Variants in METTL25 observed in about 807,000 individuals in gnomAD.
METTL25 encodes probable methyltransferase-like protein 25.
In METTL25, 64 loss-of-function variants were observed where a neutral mutation model predicts 71.6. That is an observed-to-expected ratio of 0.89 (90% CI 0.73 to 1.10). The LOEUF (loss-of-function observed/expected upper bound fraction) is 1.10, where lower values mean the gene tolerates loss of function less well. Ranked by LOEUF, METTL25 falls within the 50% of genes least tolerant of loss-of-function variation. The pLI, the probability that METTL25 is intolerant of heterozygous loss-of-function variation, is 0.00. For missense variants in METTL25, 807 were observed against 707.0 expected (o/e 1.14, Z -1.60); for synonymous variants, 287 against 250.3 (o/e 1.15, Z -1.38).
chr12:82,395,754 G>A (rs1886017039), intron 3 of METTL25, among the ~76,000 whole-genome samples: 1 of 152,040 alleles, frequency 6.6e-6, no homozygotes, highest in Non-Finnish European at 1.5e-5. Context: ...AGACTCCTCT[G>A]TCTTCAAACC....
At chr12:82,403,744 G>C (rs1479323424) in intron 5 of METTL25, among the ~76,000 whole-genome samples, 1 of 152,144 alleles carries the variant, frequency 6.6e-6, no homozygotes, top group Non-Finnish European at 1.5e-5. Context: ...AGCAGCTCCT[G>C]AAATAGCTGT....
chr12:82,467,317 G>T (rs928448426), intron 9 of METTL25, among the ~76,000 whole-genome samples: 1 of 151,938 alleles, frequency 6.6e-6, no homozygotes, highest in Non-Finnish European at 1.5e-5. Context: ...GTGGTTTTCT[G>T]CAATGATAAA....
At chr12:82,450,820 C>T (rs897116156) in intron 8 of METTL25, among the ~76,000 whole-genome samples, 2 of 152,084 alleles carry the variant, frequency 1.3e-5, no homozygotes, top group Non-Finnish European at 2.9e-5. Flanking sequence ...AATTCTTCCA[C>T]AGATAGTCTC....
At chr12:82,416,049 A>G (rs1190668952) in intron 5 of METTL25, among the ~76,000 whole-genome samples, 3 of 152,152 alleles carry the variant, frequency 2.0e-5, no homozygotes, top group Admixed American at 2.0e-4. Flanking sequence ...TCAGTGATTT[A>G]AATTGAAGTT....
In METTL25 at chr12:82,398,437, A is replaced by G. The variant is rs182095991; in HGVS notation, c.532-358A>G. Among the ~76,000 whole-genome samples, 78 of 151,814 alleles carry G rather than the reference A, an allele frequency of 5.1e-4. 1 individual carries two copies. Among genetic ancestry groups the G allele is most frequent in the African/African-American group, 1.7e-3 (71 of 41,456 alleles). The stretch of plus-strand genomic sequence containing the variant: ...GTTCTGATGATTCGTTGTTAATTCT[A>G]TTGACTTTGTGCCCTGACACATTGC... On this transcript the variant is annotated intron_variant, in intron 3 of 11. Transcript: ENST00000248306.
At chr12:82,400,833 A>G (rs886410278) in intron 4 of METTL25, among the ~76,000 whole-genome samples, 1 of 152,088 alleles carries the variant, frequency 6.6e-6, no homozygotes, top group African/African-American at 2.4e-5. Context: ...GTGACTACAT[A>G]TTTTTGTCTC....
intron 9 of METTL25, among the ~76,000 whole-genome samples, chr12:82,471,987 A>G (rs898690980): frequency 6.6e-6 from 1 of 152,026 alleles, no homozygotes; most frequent in Admixed American, 6.5e-5. Flanking sequence ...CTTAATATGA[A>G]TTTTTCCTAT....
chr12:82,373,571 A>G (rs1427973803), intron 1 of METTL25, among the ~76,000 whole-genome samples: 1 of 152,184 alleles, frequency 6.6e-6, no homozygotes, highest in Non-Finnish European at 1.5e-5. Flanking sequence ...TTTGTCTGAC[A>G]GGCATTAGGA....
intron 1 of METTL25, among the ~76,000 whole-genome samples, chr12:82,366,628 A>G (rs1169718180): frequency 6.6e-6 from 1 of 150,872 alleles, no homozygotes; most frequent in Non-Finnish European, 1.5e-5. Flanking sequence ...CATCCTAAGT[A>G]GTTTTTATTG....
chr12:82,388,408 G>A (rs1885251423), intron 2 of METTL25, among the ~76,000 whole-genome samples: 1 of 151,932 alleles, frequency 6.6e-6, no homozygotes, highest in Admixed American at 6.6e-5. Context: ...ATGGCTCTTG[G>A]TAAGAACCAT....
chr12:82,467,464 C>T (rs527729898), intron 9 of METTL25, among the ~76,000 whole-genome samples: 41 of 152,108 alleles, frequency 2.7e-4, no homozygotes, highest in African/African-American at 7.7e-4. Context: ...AGTCTAAGGG[C>T]GATGAATTCT....
chr12:82,386,681 C>A, intron 1 of METTL25, 122 bp from the exon 2 acceptor site: 1 of 811,038 alleles, frequency 1.2e-6, no homozygotes, highest in Non-Finnish European at 1.9e-6. Flanking sequence ...TGCCAAAATT[C>A]ACAACAAAAT....
At chr12:82,405,506 A>T (rs1887021796) in intron 5 of METTL25, among the ~76,000 whole-genome samples, 2 of 152,318 alleles carry the variant, frequency 1.3e-5, no homozygotes, top group East Asian at 1.9e-4. Context: ...ACTTAAAAAA[A>T]GTAGCAGAAG....
intron 5 of METTL25, among the ~76,000 whole-genome samples, chr12:82,403,697 G>T (rs1886836058): frequency 6.6e-6 from 1 of 152,142 alleles, no homozygotes; most frequent in South Asian, 2.1e-4. Flanking sequence ...TATGGAGTAG[G>T]TTTGCAAGAT....
intron 8 of METTL25, among the ~76,000 whole-genome samples, chr12:82,444,158 CAAAG>C (rs897237591): frequency 3.8e-4 from 57 of 151,966 alleles, no homozygotes; most frequent in African/African-American, 4.3e-4. Flanking sequence ...AAGTAAAAGA[CAAAG>C]AAAGGATCAA....
chr12:82,413,976 T>C (rs1460086292), intron 5 of METTL25, among the ~76,000 whole-genome samples: 47 of 151,380 alleles, frequency 3.1e-4, no homozygotes, highest in Admixed American at 3.1e-3. Flanking sequence ...ATAAAAAATT[T>C]ATAACAAATG....
chr12:82,377,981 A>G (rs898629540), intron 1 of METTL25, among the ~76,000 whole-genome samples: 1 of 152,170 alleles, frequency 6.6e-6, no homozygotes, highest in Non-Finnish European at 1.5e-5. Context: ...ATTCATCTTG[A>G]TTTAGGCCGA....
chr12:82,393,532 G>C (rs1223409799), intron 3 of METTL25, among the ~76,000 whole-genome samples: 1 of 151,968 alleles, frequency 6.6e-6, no homozygotes, highest in Non-Finnish European at 1.5e-5. Context: ...GATCGAGTCA[G>C]TTTTTCTAGG....
At chr12:82,457,415 G>A (rs1476056032) in intron 9 of METTL25, among the ~76,000 whole-genome samples, 1 of 151,880 alleles carries the variant, frequency 6.6e-6, no homozygotes, top group African/African-American at 2.4e-5. Flanking sequence ...TTTGAATTGA[G>A]TATAAATTGA....
Sources: gnomAD v4.1 joint callset for allele counts (sites outside exome capture counted in the v4.1 genomes callset) on GRCh38, gnomAD v4.1.1 for gene constraint, MANE v1.5 for transcripts, NCBI Gene and HGNC (gene_info 2026-07-23, HGNC 2026-07-21) for gene names.